The following RTN1 variants were observed in gnomAD, a reference collection of about 807,000 sequenced individuals.
RTN1 encodes the protein reticulon 1.
RTN1 carries 25 observed loss-of-function variants against 65.5 expected under a neutral mutation model. That is an observed-to-expected ratio of 0.38 (90% CI 0.28 to 0.53). The LOEUF is 0.53. Among genes scored for constraint, RTN1 ranks in the 20% least tolerant of loss-of-function variants. The pLI is 0.79. For missense variants in RTN1, 983 were observed against 1,025.4 expected, an observed-to-expected ratio of 0.96 and a Z score of 0.57; for synonymous variants, 471 against 447.6, an observed-to-expected ratio of 1.05 and a Z score of -0.66.
chr14:59,615,166 GCGGCTGGGCATGGCGGCTCA>G (rs1027850597), intron 3 of RTN1, among the ~76,000 whole-genome samples: 2 of 152,092 alleles, frequency 1.3e-5, no homozygotes, highest in Non-Finnish European at 2.9e-5. Context: ...AACATTAAAA[GCGGCTGGGCATGGCGGCTCA>G]TGCCTGTAAT....
chr14:59,601,608 T>C (rs1264625413), intron 8 of RTN1, among the ~76,000 whole-genome samples: 2 of 152,194 alleles, frequency 1.3e-5, no homozygotes, highest in Non-Finnish European at 2.9e-5. Context: ...GTAATAGGTA[T>C]GATTTGTGAT....
intron 3 of RTN1, among the ~76,000 whole-genome samples, chr14:59,692,004 G>A (rs1742730802): frequency 6.6e-6 from 1 of 152,132 alleles, no homozygotes; most frequent in Non-Finnish European, 1.5e-5. Context: ...AAAGCTGGAA[G>A]CATTACCCCT....
intron 1 of RTN1, among the ~76,000 whole-genome samples, chr14:59,771,768 T>A (rs564634967): frequency 1.3e-5 from 2 of 152,352 alleles, no homozygotes; most frequent in South Asian, 4.1e-4. Flanking sequence ...ATTATCCTTA[T>A]CAGTAAATAG....
chr14:59,681,227 A>C (rs1883738822), intron 3 of RTN1, among the ~76,000 whole-genome samples: 1 of 152,174 alleles, frequency 6.6e-6, no homozygotes, highest in Non-Finnish European at 1.5e-5. Flanking sequence ...CTTACCAAGC[A>C]TTATTTGCTA....
At chr14:59,703,809 T>A (rs982746063) in intron 3 of RTN1, among the ~76,000 whole-genome samples, 1 of 152,224 alleles carries the variant, frequency 6.6e-6, no homozygotes, top group African/African-American at 2.4e-5. Context: ...TATGGAATGA[T>A]GTAACTGAAA....
chr14:59,675,439 G>T (rs939327479), intron 3 of RTN1, among the ~76,000 whole-genome samples: 4 of 56,410 alleles, frequency 7.1e-5, no homozygotes, highest in Admixed American at 1.3e-4. Flanking sequence ...GAGACCTATA[G>T]GACTTGGGGG....
chr14:59,672,801 T>A (rs7161064), intron 3 of RTN1, among the ~76,000 whole-genome samples: 4 of 148,070 alleles, frequency 2.7e-5, no homozygotes, highest in Non-Finnish European at 6.0e-5. Flanking sequence ...CCACCGCGCC[T>A]GGCTAATTTT....
intron 1 of RTN1, among the ~76,000 whole-genome samples, chr14:59,779,995 G>T (rs1419762280): frequency 2.6e-5 from 4 of 152,118 alleles, no homozygotes; most frequent in African/African-American, 7.2e-5. Flanking sequence ...AGTTCTACCA[G>T]GACTTGAAAG....
intron 1 of RTN1, among the ~76,000 whole-genome samples, chr14:59,749,515 C>CTA (rs1487862464): frequency 6.0e-5 from 2 of 33,162 alleles, no homozygotes; most frequent in African/African-American, 2.1e-4. Flanking sequence ...ATATAGATAT[C>CTA]TATATATTTA....
At chr14:59,768,485 G>A (rs1885891712) in intron 1 of RTN1, among the ~76,000 whole-genome samples, 1 of 152,160 alleles carries the variant, frequency 6.6e-6, no homozygotes, top group South Asian at 2.1e-4. Context: ...TCTACTCCTA[G>A]AATGTTGAAT....
At chr14:59,855,768 A>G (rs1440898176) in intron 1 of RTN1, among the ~76,000 whole-genome samples, 1 of 152,130 alleles carries the variant, frequency 6.6e-6, no homozygotes, top group Non-Finnish European at 1.5e-5. Context: ...GGCTTCCTCT[A>G]ACACCACATT....
chr14:59,620,655 T>C (rs1428335508), intron 3 of RTN1, among the ~76,000 whole-genome samples: 1 of 152,196 alleles, frequency 6.6e-6, no homozygotes. Flanking sequence ...TATTAAACAG[T>C]GCTGGTCTAG....
chr14:59,723,256 G>T (rs1246706981), intron 3 of RTN1, among the ~76,000 whole-genome samples: 1 of 152,114 alleles, frequency 6.6e-6, no homozygotes, highest in Non-Finnish European at 1.5e-5. Flanking sequence ...CATTTGTTTG[G>T]CAAGAAGACA....
intron 3 of RTN1, among the ~76,000 whole-genome samples, chr14:59,626,838 A>C (rs1442252569): frequency 6.6e-6 from 1 of 152,256 alleles, no homozygotes; most frequent in Non-Finnish European, 1.5e-5. Flanking sequence ...CGGAGAATTT[A>C]GAATGATGAA....
rs370975029 is a variant in RTN1, at chr14:59,746,083, C to T, written c.640G>A (p.Glu214Lys). 2.9e-5 allele frequency: 46 copies of T among 1,613,866 alleles called. No individual in the cohort carries two copies. The highest frequency in any genetic ancestry group is 2.1e-4 in the African/African-American group (16 of 74,852). Residue 214 changes from glutamate (E) to lysine (K), a missense_variant, in exon 2 of 9, where the codon GAG becomes AAG. By Grantham distance (56) the Glu-to-Lys change is moderately conservative. This residue lies in a region of RTN1 where 818 missense variants were observed against 801.8 expected (regional missense o/e 1.02). Coordinates refer to ENST00000267484, the MANE Select transcript of RTN1 (RefSeq NM_021136.3). The part of the protein sequence containing the change: ...EVKHQEQHHP[E>K]LEDKDLDFKN... ...AAGTCCAAGTCTTTATCTTCCAGCT[C>T]GGGGTGATGTTGTTCTTGGTGCTTC...
rs752594754 is a variant in RTN1, at chr14:59,605,437, G to C, written c.2043C>G (p.Phe681Leu). 3.1e-6 allele frequency: 5 copies of C among 1,614,018 alleles called. No homozygotes were observed. The highest frequency in any genetic ancestry group is 1.3e-5 in the African/African-American group (1 of 74,924). Reference sequence around the variant, plus strand: ...GTTCCTTAAGTGTGCTGTTCACGTAGAACTGCAGGCAGTCCGTGTACTTCT... The same window carrying C: ...GTTCCTTAAGTGTGCTGTTCACGTACAACTGCAGGCAGTCCGTGTACTTCT... ...QIQKYTDCLQ[F>L]YVNSTLKELR... The change falls in exon 5 of 9, where the codon TTC becomes TTG. Residue 681 changes from phenylalanine (F) to leucine (L), a missense_variant. This residue lies in a region of RTN1 where 165 missense variants were observed against 223.6 expected (regional missense o/e 0.74). Transcript: ENST00000267484.
intron 3 of RTN1, among the ~76,000 whole-genome samples, chr14:59,656,652 C>T (rs1468248001): frequency 6.6e-6 from 1 of 152,228 alleles, no homozygotes; most frequent in Non-Finnish European, 1.5e-5. Context: ...AGTACAACTC[C>T]TTAGCTCGGG....
intron 3 of RTN1, among the ~76,000 whole-genome samples, chr14:59,641,118 G>A (rs886235870): frequency 2.0e-5 from 3 of 151,912 alleles, no homozygotes; most frequent in East Asian, 3.9e-4. Context: ...GCCACCGCAC[G>A]TGGCTAATTT....
Position 59,868,222 on chromosome 14 carries a change from A to G in RTN1, c.241+2168T>C, listed in dbSNP as rs1287049409. 3.9e-5 allele frequency among the ~76,000 whole-genome samples: 6 copies of G among 152,200 alleles called. No homozygotes were observed. Among genetic ancestry groups the G allele is most frequent in the African/African-American group, 1.4e-4 (6 of 41,446 alleles). The stretch of plus-strand genomic sequence containing the variant: ...GCACATCCGGTCTACTTAATAAGAA[A>G]CACAGAGATTTAAGACATTAACCAA... On this transcript the variant is annotated intron_variant, in intron 1 of 8. Coordinates refer to ENST00000267484, the MANE Select transcript of RTN1 (RefSeq NM_021136.3). The surrounding 1 kb of genome is among the most constrained non-coding windows in gnomAD (Gnocchi z 4.0).
Sources: allele counts gnomAD v4.1 joint callset (sites outside exome capture counted in the v4.1 genomes callset), GRCh38; gene constraint gnomAD v4.1.1; regional missense constraint gnomAD v4.1.1; non-coding constraint Gnocchi (gnomAD v3.1); transcripts MANE v1.5; gene names NCBI Gene and HGNC (gene_info 2026-07-23, HGNC 2026-07-21).